ANK3: variants seen among roughly 807,000 people sequenced by gnomAD.
ANK3 encodes ankyrin-3.
ANK3 carries 57 observed loss-of-function variants against 370.9 expected under a neutral mutation model. The ratio of observed to expected loss-of-function variants is 0.15; its 90% CI spans 0.12 to 0.19. The LOEUF (loss-of-function observed/expected upper bound fraction) is 0.19, where lower values mean the gene tolerates loss of function less well. ANK3 is among the 10% of genes least tolerant of loss of function. The pLI is 1.00. For missense variants in ANK3, 4,439 were observed against 5,302.1 expected (o/e 0.84, Z 5.06); for synonymous variants, 1,929 against 1,946.3 (o/e 0.99, Z 0.23).
rs1384667198 is a variant in ANK3 at position 60,656,053 on chromosome 10, T to C, written c.58-40829A>G. ...ATACTCGCACAATGACAAAATCACCTGATGAATTTCTCAATGTGTATCTGT... is the reference window on the plus strand; with the variant it reads ...ATACTCGCACAATGACAAAATCACCCGATGAATTTCTCAATGTGTATCTGT... On this transcript the variant is annotated intron_variant, in intron 1 of 43. Coordinates refer to the ANK3 transcript ENST00000373827. 2.6e-5 allele frequency among the ~76,000 whole-genome samples: 4 copies of C among 152,198 alleles called. No individual in the cohort carries two copies. In the East Asian group the frequency reaches 5.8e-4, roughly 22 times the overall value.
At chr10:60,724,082 C>T (rs562156492) in intron 1 of ANK3, among the ~76,000 whole-genome samples, 1 of 128,922 alleles carries the variant, frequency 7.8e-6, no homozygotes, top group Non-Finnish European at 1.7e-5. Context: ...TGGTGGCGGG[C>T]GCCTGTAGTC....
At chr10:60,303,200 T>A (rs1330283580) in intron 1 of ANK3, among the ~76,000 whole-genome samples, 1 of 152,138 alleles carries the variant, frequency 6.6e-6, no homozygotes, top group Non-Finnish European at 1.5e-5. Flanking sequence ...AAGCGAAAAT[T>A]ATTAAATGAG....
intron 16 of ANK3, among the ~76,000 whole-genome samples, chr10:60,191,780 G>T (rs2096486993): frequency 6.6e-6 from 1 of 152,172 alleles, no homozygotes; most frequent in South Asian, 2.1e-4. Flanking sequence ...TATCAAAAAA[G>T]ATACTTGCAC....
intron 1 of ANK3, among the ~76,000 whole-genome samples, chr10:60,343,477 C>T (rs1310727400): frequency 6.6e-6 from 1 of 151,894 alleles, no homozygotes; most frequent in East Asian, 1.9e-4. Context: ...TTGGGAGGAG[C>T]CAGAGGAAAG....
intron 2 of ANK3, among the ~76,000 whole-genome samples, chr10:60,447,306 G>A (rs1012064951): frequency 5.9e-5 from 9 of 152,166 alleles, no homozygotes; most frequent in African/African-American, 2.2e-4. Flanking sequence ...GGAGAGTAGA[G>A]ATAAAGTATC....
chr10:60,602,253 A>G (rs755595694), intron 2 of ANK3, among the ~76,000 whole-genome samples: 23 of 152,274 alleles, frequency 1.5e-4, no homozygotes, highest in Admixed American at 8.5e-4. Flanking sequence ...CTGGTCACTT[A>G]CAGCCTCTTC....
chr10:60,683,002 G>A lies in ANK3; in HGVS notation c.57+50261C>T, dbSNP rs558751126. 1.7e-3 allele frequency among the ~76,000 whole-genome samples: 260 copies of A among 152,198 alleles called. 3 individuals carry two copies. The highest frequency in any genetic ancestry group is 2.2e-4 in the Non-Finnish European group (15 of 68,014). On this transcript the variant is annotated intron_variant, in intron 1 of 43. Transcript: ENST00000373827. ...GGGGGAAGGAAGGGGTGGTCTTGTG[G>A]GACTAAGCCCTCAACCTATGGGACC...
chr10:60,170,944 T>C (rs1243273305), intron 21 of ANK3, among the ~76,000 whole-genome samples: 3 of 152,194 alleles, frequency 2.0e-5, no homozygotes, highest in Non-Finnish European at 4.4e-5. Context: ...GAAATAGAAG[T>C]ATTAATATTA....
intron 42 of ANK3, chr10:60,043,901 GA>G (rs1190928707): frequency 2.0e-5 from 20 of 985,302 alleles, no homozygotes; most frequent in Non-Finnish European, 2.4e-5. Flanking sequence ...ATGTAACAAA[GA>G]ATGTTAGGAA....
intron 2 of ANK3, among the ~76,000 whole-genome samples, chr10:60,504,863 A>C (rs926834044): frequency 1.3e-5 from 2 of 152,190 alleles, no homozygotes; most frequent in African/African-American, 4.8e-5. Flanking sequence ...AAATGCAATG[A>C]GTGGAAACTG....
At chr10:60,341,033 T>C (rs2054169967) in intron 1 of ANK3, among the ~76,000 whole-genome samples, 1 of 152,178 alleles carries the variant, frequency 6.6e-6, no homozygotes, top group African/African-American at 2.4e-5. Flanking sequence ...TAAGCCGTCA[T>C]TCTGTGTTGG....
At chr10:60,080,652 C>T in intron 35 of ANK3, 34 bp from the exon 36 acceptor site, 1 of 1,498,216 alleles carries the variant, frequency 6.7e-7, no homozygotes, top group Non-Finnish European at 9.0e-7. Flanking sequence ...AACTCTATTT[C>T]CAACTTCCCT....
intron 38 of ANK3, among the ~76,000 whole-genome samples, chr10:60,064,675 A>G (rs369502257): frequency 5.0e-5 from 7 of 138,666 alleles, no homozygotes; most frequent in African/African-American, 1.4e-4. Context: ...ACACACAGCA[A>G]CAACAACAAC....
At chr10:60,170,888 A>G (rs1169120600) in intron 21 of ANK3, among the ~76,000 whole-genome samples, 1 of 152,210 alleles carries the variant, frequency 6.6e-6, no homozygotes, top group Non-Finnish European at 1.5e-5. Flanking sequence ...TCAACCAAAT[A>G]AGATGTGTAT....
intron 16 of ANK3, 84 bp downstream of exon 16, chr10:60,196,061 T>A (rs1333413538): frequency 8.2e-7 from 1 of 1,223,568 alleles, no homozygotes; most frequent in Non-Finnish European, 1.2e-6. Context: ...AGGAGGGTGC[T>A]CCTGCTGAAG....
Position 60,027,166 on chromosome 10 carries a change from G to T in ANK3, c.*2680C>A, listed in dbSNP as rs1256495444. ...TACCTAAACAGGTATACATCATTGA[G>T]TTTCTGGTTCAGGATAAACACCTTC... On this transcript the variant is annotated 3_prime_UTR_variant, in exon 44 of 44. Coordinates refer to ENST00000280772, the MANE Select transcript of ANK3 (RefSeq NM_020987.5). The T allele has an allele frequency of 6.6e-6, 1 of 151,878 alleles. No homozygotes were observed. The highest frequency in any genetic ancestry group is 6.6e-5 in the Admixed American group (1 of 15,244). The allele number at this position is 151,878 out of a possible 1,614,324, so 9.4% of individuals were successfully genotyped here. A position where few individuals can be genotyped will look rare whatever the true frequency, so the allele number is the denominator to read the frequency against.
chr10:60,175,997 C>T (rs2095926719), intron 18 of ANK3, among the ~76,000 whole-genome samples: 3 of 152,016 alleles, frequency 2.0e-5, no homozygotes, highest in Non-Finnish European at 4.4e-5. Flanking sequence ...CATCAGTGCT[C>T]AATAAATATT....
At chr10:60,682,026 G>T (rs1262518569) in intron 1 of ANK3, among the ~76,000 whole-genome samples, 1 of 151,980 alleles carries the variant, frequency 6.6e-6, no homozygotes, top group Admixed American at 6.6e-5. Flanking sequence ...TGGTACCTGT[G>T]GTCTTAGCTA....
Position 60,461,433 on chromosome 10 carries a change from T to C in ANK3, c.96+153753A>G, listed in dbSNP as rs542108247. On this transcript the variant is annotated intron_variant, in intron 2 of 43. Transcript: ENST00000373827. ...TGATATTTTCAGTGCATACATTTGT[T>C]GGTAATGGATAGGAACATCCAAACA... Among the ~76,000 whole-genome samples, 42 of 152,300 alleles carry C rather than the reference T, an allele frequency of 2.8e-4. No homozygotes were observed. In the South Asian group the frequency reaches 8.5e-3, roughly 31 times the overall value.
Sources: allele counts gnomAD v4.1 joint callset (sites outside exome capture counted in the v4.1 genomes callset), GRCh38; gene constraint gnomAD v4.1.1; transcripts MANE v1.5; gene names NCBI Gene and HGNC (gene_info 2026-07-23, HGNC 2026-07-21).